NRG1: variants seen among roughly 807,000 people sequenced by gnomAD.
The protein encoded by NRG1 is neuregulin 1.
NRG1 carries 18 observed loss-of-function variants against 63.8 expected under a neutral mutation model. The ratio of observed to expected loss-of-function variants is 0.28; its 90% confidence interval spans 0.19 to 0.42. The LOEUF (loss-of-function observed/expected upper bound fraction) is 0.42. Ranked by LOEUF, NRG1 falls within the 10% of genes least tolerant of loss-of-function variation. The probability of loss-of-function intolerance (pLI) is 1.00; values close to 1 mark genes in which losing one functional copy is unlikely to be tolerated. For missense variants in NRG1, 762 were observed against 814.7 expected (o/e 0.94, Z 0.79); for synonymous variants, 302 against 301.3 (o/e 1.00, Z -0.02).
intron 1 of NRG1, among the ~76,000 whole-genome samples, chr8:32,001,163 T>G (rs1327298541): frequency 8.6e-5 from 13 of 152,044 alleles, no homozygotes; most frequent in East Asian, 3.9e-4. Context: ...TTTATTGATA[T>G]CTGATATTAT....
rs931316839 is a variant in NRG1, at chr8:31,890,411, C to T, written c.37+250980C>T. ...AAAATTGTTGAAAAATTCAAGGAAACCTTCCAAAAGGAAAAGAAAGAAGAA... is the reference window on the plus strand; with the variant it reads ...AAAATTGTTGAAAAATTCAAGGAAATCTTCCAAAAGGAAAAGAAAGAAGAA... On this transcript the variant is annotated intron_variant, in intron 1 of 10. Coordinates refer to the NRG1 transcript ENST00000519301. 5.9e-5 allele frequency among the ~76,000 whole-genome samples: 9 copies of T among 152,006 alleles called. No homozygotes were observed. The South Asian group carries it at 8.3e-4, about 14-fold the overall frequency.
chr8:32,271,205 C>G (rs1183768281), intron 1 of NRG1, among the ~76,000 whole-genome samples: 2 of 152,124 alleles, frequency 1.3e-5, no homozygotes, highest in Non-Finnish European at 2.9e-5. Flanking sequence ...CTGAAATAGT[C>G]TTCCCAAAAA....
At chr8:31,955,577 G>A (rs1282870715) in intron 1 of NRG1, among the ~76,000 whole-genome samples, 1 of 152,196 alleles carries the variant, frequency 6.6e-6, no homozygotes, top group Non-Finnish European at 1.5e-5. Flanking sequence ...GACACCACAT[G>A]CTGAAGAATC....
intron 1 of NRG1, among the ~76,000 whole-genome samples, chr8:31,919,337 C>T (rs759733109): frequency 6.7e-6 from 1 of 150,362 alleles, no homozygotes; most frequent in Non-Finnish European, 1.5e-5. Flanking sequence ...TTTCATTCCA[C>T]TTACGCTTTT....
At chr8:32,513,384 G>A (rs1829446044) in intron 1 of NRG1, among the ~76,000 whole-genome samples, 1 of 150,506 alleles carries the variant, frequency 6.6e-6, no homozygotes, top group South Asian at 2.1e-4. Flanking sequence ...AGGGAAAGGA[G>A]TGAAAATTCT....
intron 1 of NRG1, among the ~76,000 whole-genome samples, chr8:31,661,012 A>G (rs1805939444): frequency 6.6e-6 from 1 of 152,198 alleles, no homozygotes; most frequent in African/African-American, 2.4e-5. Flanking sequence ...TGGATTATAA[A>G]CTGGGAAATA....
At chr8:31,956,445 A>G (rs551517812) in intron 1 of NRG1, among the ~76,000 whole-genome samples, 1 of 152,000 alleles carries the variant, frequency 6.6e-6, no homozygotes, top group South Asian at 2.1e-4. Flanking sequence ...GTGAAACCCC[A>G]TCTCTACTAA....
chr8:32,653,331 T>C (rs963081532), intron 5 of NRG1, among the ~76,000 whole-genome samples: 9 of 152,222 alleles, frequency 5.9e-5, no homozygotes, highest in African/African-American at 1.7e-4. Context: ...CTTATACATA[T>C]ACCCTCTTCA....
chr8:32,077,512 A>G (rs1826771957), intron 1 of NRG1, among the ~76,000 whole-genome samples: 1 of 152,250 alleles, frequency 6.6e-6, no homozygotes, highest in Non-Finnish European at 1.5e-5. Flanking sequence ...AGATTAATTG[A>G]ATGAATCATA....
intron 5 of NRG1, among the ~76,000 whole-genome samples, chr8:32,634,902 A>G (rs1851037341): frequency 6.6e-6 from 1 of 152,210 alleles, no homozygotes; most frequent in African/African-American, 2.4e-5. Context: ...TAGCTATGTA[A>G]TTGTGGGTTA....
chr8:32,711,974 T>C (rs1817925644), intron 5 of NRG1, among the ~76,000 whole-genome samples: 2 of 152,164 alleles, frequency 1.3e-5, no homozygotes, highest in Admixed American at 1.3e-4. Context: ...TCACACCCAG[T>C]AAGTTGGATA....
At chr8:32,392,437 A>C (rs1348104157) in intron 1 of NRG1, among the ~76,000 whole-genome samples, 1 of 152,244 alleles carries the variant, frequency 6.6e-6, no homozygotes, top group Non-Finnish European at 1.5e-5. Context: ...TGAATGTTGT[A>C]TGCCATTTGG....
chr8:31,898,433 A>G (rs368042989), intron 1 of NRG1, among the ~76,000 whole-genome samples: 113 of 152,366 alleles, frequency 7.4e-4, no homozygotes, highest in Admixed American at 3.8e-3. Context: ...ACTGAGGCTC[A>G]AAAAGACTAA....
intron 2 of NRG1, among the ~76,000 whole-genome samples, chr8:32,601,363 ATTC>A (rs1477058668): frequency 3.3e-5 from 5 of 152,188 alleles, no homozygotes; most frequent in Non-Finnish European, 7.4e-5. Context: ...GCACAGAGAT[ATTC>A]TTGTAGGAAT....
At chr8:32,412,463 T>TATATATATGTATATATATAC (rs1815228273) in intron 1 of NRG1, among the ~76,000 whole-genome samples, 1 of 115,236 alleles carries the variant, frequency 8.7e-6, no homozygotes, top group Non-Finnish European at 1.9e-5. Context: ...CATATATATA[T>TATATATATGTATATATATAC]ATATATATAT....
chr8:32,453,798 G>C (rs985721316), intron 1 of NRG1, among the ~76,000 whole-genome samples: 1 of 152,124 alleles, frequency 6.6e-6, no homozygotes, highest in African/African-American at 2.4e-5. Context: ...TTTTAACCCT[G>C]CTAGGATCCA....
chr8:32,739,499 G>A (rs189315996), intron 6 of NRG1, among the ~76,000 whole-genome samples: 250 of 152,262 alleles, frequency 1.6e-3, no homozygotes, highest in African/African-American at 5.8e-3. Flanking sequence ...AAGTAGTTCT[G>A]GTGTTAGTGC....
chr8:32,043,779 AT>A (rs906342754), intron 1 of NRG1, among the ~76,000 whole-genome samples: 25 of 151,526 alleles, frequency 1.6e-4, no homozygotes, highest in African/African-American at 5.3e-4. Context: ...AACCACCAAA[AT>A]TTTTTTTTGT....
At chr8:32,059,716 G>A (rs565215299) in intron 1 of NRG1, among the ~76,000 whole-genome samples, 2 of 151,956 alleles carry the variant, frequency 1.3e-5, no homozygotes, top group South Asian at 2.1e-4. Flanking sequence ...ACATGTTTTC[G>A]ATGACATACT....
Sources: allele counts gnomAD v4.1 joint callset (sites outside exome capture counted in the v4.1 genomes callset), GRCh38; gene constraint gnomAD v4.1.1; transcripts MANE v1.5; gene names NCBI Gene and HGNC (gene_info 2026-07-23, HGNC 2026-07-21).